The following AMPH variants were observed in gnomAD, a reference collection of about 807,000 sequenced individuals.
The protein encoded by AMPH is amphiphysin (Stiff-Mann syndrome with breast cancer 128kD autoantigen).
AMPH carries 49 observed loss-of-function variants against 99.1 expected under a neutral mutation model. The ratio of observed to expected loss-of-function variants is 0.49; its 90% CI spans 0.39 to 0.63. The LOEUF (loss-of-function observed/expected upper bound fraction) is 0.63. Among genes scored for constraint, AMPH ranks in the 20% least tolerant of loss-of-function variants. The probability of loss-of-function intolerance (pLI) is 0.00; values close to 1 mark genes in which losing one functional copy is unlikely to be tolerated. For synonymous variants in AMPH, 314 were observed against 317.3 expected (o/e 0.99, Z 0.11); for missense variants, 759 against 863.4 (o/e 0.88, Z 1.52).
intron 5 of AMPH, 46 bp from the exon 6 acceptor site, chr7:38,477,015 G>A (rs1463587248): frequency 1.3e-6 from 2 of 1,570,540 alleles, no homozygotes; most frequent in Non-Finnish European, 1.8e-6. Context: ...ATGGACATAA[G>A]AGTCTCCCTT....
intron 2 of AMPH, among the ~76,000 whole-genome samples, chr7:38,525,987 T>C (rs543122924): frequency 6.6e-6 from 1 of 152,334 alleles, no homozygotes; most frequent in Non-Finnish European, 1.5e-5. Flanking sequence ...TTTTGGGTTG[T>C]ATGGTATACA....
chr7:38,492,231 G>T (rs566919457), intron 4 of AMPH, among the ~76,000 whole-genome samples: 8 of 152,334 alleles, frequency 5.3e-5, no homozygotes, highest in Admixed American at 4.6e-4. Flanking sequence ...TAGACAATGG[G>T]ATGTACTTTC....
At chr7:38,576,505 T>G (rs1792251546) in intron 1 of AMPH, among the ~76,000 whole-genome samples, 1 of 152,136 alleles carries the variant, frequency 6.6e-6, no homozygotes, top group African/African-American at 2.4e-5. Flanking sequence ...GAATTAACCA[T>G]CTGAGGCCTT....
intron 1 of AMPH, among the ~76,000 whole-genome samples, chr7:38,538,749 A>G (rs1211424854): frequency 6.6e-6 from 1 of 152,222 alleles, no homozygotes; most frequent in Non-Finnish European, 1.5e-5. Context: ...GGCTTATGGG[A>G]TGAAAAAGAT....
chr7:38,547,388 G>A (rs921536090), intron 1 of AMPH, among the ~76,000 whole-genome samples: 31 of 151,668 alleles, frequency 2.0e-4, no homozygotes, highest in Non-Finnish European at 1.2e-4. Flanking sequence ...GTGTAGAAAC[G>A]GTGCAGAAAC....
At chr7:38,508,833 G>C (rs1789431742) in intron 2 of AMPH, among the ~76,000 whole-genome samples, 1 of 152,200 alleles carries the variant, frequency 6.6e-6, no homozygotes, top group South Asian at 2.1e-4. Context: ...TAAACTTGCT[G>C]ATCATTTTTG....
chr7:38,553,179 G>T (rs2129046559), intron 1 of AMPH, among the ~76,000 whole-genome samples: 1 of 152,268 alleles, frequency 6.6e-6, no homozygotes, highest in Admixed American at 6.5e-5. Context: ...TTCTCTCCTT[G>T]CCTCTTCCGG....
At chr7:38,583,096 C>A (rs1792524445) in intron 1 of AMPH, among the ~76,000 whole-genome samples, 1 of 152,082 alleles carries the variant, frequency 6.6e-6, no homozygotes, top group Non-Finnish European at 1.5e-5. Flanking sequence ...CACCACCATC[C>A]CGCTTATTCA....
intron 1 of AMPH, among the ~76,000 whole-genome samples, chr7:38,562,209 G>A (rs1791579218): frequency 6.6e-6 from 1 of 152,074 alleles, no homozygotes; most frequent in African/African-American, 2.4e-5. Context: ...AAAAAAAATG[G>A]TTTGTTTAAT....
intron 13 of AMPH, 73 bp downstream of exon 13, chr7:38,432,116 A>C (rs771547740): frequency 3.2e-5 from 41 of 1,272,190 alleles, no homozygotes; most frequent in Non-Finnish European, 4.7e-5. Flanking sequence ...TTGCAAATGA[A>C]ATAAAATATA....
At chr7:38,404,329 AC>A (rs1352764154) in intron 17 of AMPH, among the ~76,000 whole-genome samples, 1 of 152,016 alleles carries the variant, frequency 6.6e-6, no homozygotes, top group East Asian at 1.9e-4. Flanking sequence ...CTTAAGTGCC[AC>A]CTACTGGACT....
At chr7:38,530,208 G>A (rs1048757577) in intron 2 of AMPH, among the ~76,000 whole-genome samples, 2 of 152,218 alleles carry the variant, frequency 1.3e-5, no homozygotes, top group African/African-American at 2.4e-5. Flanking sequence ...CAGCAAAACA[G>A]GATCGCTGTG....
At chr7:38,421,045 C>G (rs1562741694) in intron 16 of AMPH, 1 of 456,650 alleles carries the variant, frequency 2.2e-6, no homozygotes, top group Admixed American at 2.3e-5. Flanking sequence ...CCAAGGTTAG[C>G]AGCATTTGCA....
chr7:38,500,006 C>A (rs2014874), intron 3 of AMPH, among the ~76,000 whole-genome samples: 28,866 of 152,132 alleles, frequency 0.19, 3,033 homozygotes, highest in East Asian at 0.48. Flanking sequence ...AGTCCATTAA[C>A]CCTCTTTTTC....
chr7:38,515,235 GA>G (rs1789694622), intron 2 of AMPH, among the ~76,000 whole-genome samples: 1 of 152,168 alleles, frequency 6.6e-6, no homozygotes, highest in Admixed American at 6.5e-5. Context: ...AATTGAGGGT[GA>G]TTGATATGGT....
At chr7:38,556,936 T>C (rs1470692607) in intron 1 of AMPH, among the ~76,000 whole-genome samples, 1 of 152,066 alleles carries the variant, frequency 6.6e-6, no homozygotes, top group Non-Finnish European at 1.5e-5. Flanking sequence ...CAAATTGACT[T>C]GGATGAATGA....
chr7:38,492,533 T>C (rs1788760613), intron 4 of AMPH, among the ~76,000 whole-genome samples: 1 of 152,228 alleles, frequency 6.6e-6, no homozygotes, highest in Non-Finnish European at 1.5e-5. Flanking sequence ...CTTTGAAAAG[T>C]AGTCCTAATT....
At chr7:38,617,320 C>T (rs949181836) in intron 1 of AMPH, among the ~76,000 whole-genome samples, 7 of 152,232 alleles carry the variant, frequency 4.6e-5, no homozygotes, top group African/African-American at 1.4e-4. Flanking sequence ...CACCTCTAAA[C>T]AGAGATCTCT....
chr7:38,575,546 T>C (rs1355543016), intron 1 of AMPH, among the ~76,000 whole-genome samples: 4 of 152,164 alleles, frequency 2.6e-5, no homozygotes, highest in African/African-American at 4.8e-5. Flanking sequence ...TAAGATCTGA[T>C]GGTTTTATAA....
Sources: allele counts gnomAD v4.1 joint callset (sites outside exome capture counted in the v4.1 genomes callset), GRCh38; gene constraint gnomAD v4.1.1; transcripts MANE v1.5; gene names NCBI Gene and HGNC (gene_info 2026-07-23, HGNC 2026-07-21).